NCOA3: variants seen among roughly 807,000 people sequenced by gnomAD.
The protein encoded by NCOA3 is nuclear receptor coactivator 3.
NCOA3 carries 51 observed loss-of-function variants against 158.8 expected under a neutral mutation model. That is an observed-to-expected ratio of 0.32 (90% CI 0.26 to 0.41). NCOA3 has a LOEUF of 0.41. NCOA3 is among the 10% of genes least tolerant of loss of function. The pLI is 1.00. For synonymous variants in NCOA3, 537 were observed against 592.4 expected (o/e 0.91, Z 1.36); for missense variants, 1,510 against 1,746.6 (o/e 0.86, Z 2.41).
At chr20:47,503,733 A>G (rs1009078840) in intron 1 of NCOA3, among the ~76,000 whole-genome samples, 1 of 152,218 alleles carries the variant, frequency 6.6e-6, no homozygotes, top group Non-Finnish European at 1.5e-5. Context: ...GCTTTAGGAT[A>G]AAGAACTCTG....
chr20:47,633,251 C>G (rs2086452693), intron 8 of NCOA3, among the ~76,000 whole-genome samples: 1 of 152,120 alleles, frequency 6.6e-6, no homozygotes, highest in Admixed American at 6.6e-5. Flanking sequence ...GATAGGGGCT[C>G]TGTGCTAGAA....
chr20:47,555,330 A>T (rs1395453265), intron 1 of NCOA3, among the ~76,000 whole-genome samples: 6 of 152,204 alleles, frequency 3.9e-5, no homozygotes, highest in Non-Finnish European at 7.3e-5. Context: ...ATGATCTAGA[A>T]AAAAGAATAT....
At chr20:47,598,073 A>G (rs947443784) in intron 2 of NCOA3, among the ~76,000 whole-genome samples, 1 of 150,932 alleles carries the variant, frequency 6.6e-6, no homozygotes, top group Non-Finnish European at 1.5e-5. Flanking sequence ...ATGAAACCCC[A>G]TCTCCACTAA....
chr20:47,525,789 G>A (rs1422486678), intron 1 of NCOA3, among the ~76,000 whole-genome samples: 2 of 114,892 alleles, frequency 1.7e-5, no homozygotes, highest in African/African-American at 7.4e-5. Context: ...CCTCCCAGAC[G>A]GGGCGGCTGG....
intron 5 of NCOA3, among the ~76,000 whole-genome samples, chr20:47,625,973 A>G (rs1004738673): frequency 1.3e-5 from 2 of 152,262 alleles, no homozygotes; most frequent in African/African-American, 4.8e-5. Context: ...TGCATAGGCT[A>G]TAGGCAAATA....
chr20:47,609,093 G>A (rs1234095571), intron 2 of NCOA3, among the ~76,000 whole-genome samples: 1 of 151,928 alleles, frequency 6.6e-6, no homozygotes, highest in Non-Finnish European at 1.5e-5. Flanking sequence ...ATCACAAATC[G>A]GCCATTAATT....
In NCOA3 at chr20:47,545,631, T is replaced by TC. The variant is rs1363788199; in HGVS notation, c.-98-37552_-98-37551insC. The stretch of plus-strand genomic sequence containing the variant: ...TCATGAAGGTTTTCTTAGTGCTGTT[T>TC]TTTTTTTATTTGCTTTTTGTTTTTT... On this transcript the variant is annotated intron_variant, in intron 1 of 22. Transcript: ENST00000371998. Among the ~76,000 whole-genome samples, 3 of 152,252 alleles carry TC rather than the reference T, an allele frequency of 2.0e-5. No individual in the cohort carries two copies. The East Asian group carries it at 5.8e-4, about 29-fold the overall frequency.
At chr20:47,635,846 T>G (rs2086503987) in intron 11 of NCOA3, 45 bp from the exon 12 acceptor site, 1 of 1,538,906 alleles carries the variant, frequency 6.5e-7, no homozygotes, top group African/African-American at 1.4e-5. Context: ...TTTGTTACAG[T>G]GTCTGGTAGT....
At chr20:47,517,252 T>C (rs1413641767) in intron 1 of NCOA3, among the ~76,000 whole-genome samples, 2 of 152,060 alleles carry the variant, frequency 1.3e-5, no homozygotes, top group Admixed American at 1.3e-4. Flanking sequence ...TTTTTTACTA[T>C]AACGAAACAG....
chr20:47,575,278 AAAG>A (rs1206499487), intron 1 of NCOA3, among the ~76,000 whole-genome samples: 3 of 152,216 alleles, frequency 2.0e-5, no homozygotes, highest in Non-Finnish European at 4.4e-5. Context: ...CATTTTGTAA[AAAG>A]AAGATATACA....
intron 16 of NCOA3, among the ~76,000 whole-genome samples, 181 bp downstream of exon 16, chr20:47,640,232 C>T (rs1192446813): frequency 2.0e-5 from 3 of 152,142 alleles, no homozygotes; most frequent in Non-Finnish European, 4.4e-5. Flanking sequence ...GTAAGCAGTG[C>T]GTGTGGCATT....
intron 1 of NCOA3, among the ~76,000 whole-genome samples, chr20:47,521,646 A>C (rs2084335946): frequency 1.0e-5 from 1 of 97,142 alleles, no homozygotes; most frequent in Non-Finnish European, 2.7e-5. Flanking sequence ...TGGAGCAGGT[A>C]ATCAGAATAA....
chr20:47,534,920 T>C (rs183325252), intron 1 of NCOA3, among the ~76,000 whole-genome samples: 3 of 151,334 alleles, frequency 2.0e-5, no homozygotes, highest in Admixed American at 6.6e-5. Flanking sequence ...ATCTCTCTCT[T>C]TTTTTTTTCT....
At chr20:47,621,654 A>AGTTTTTTTTTT (rs2086242246) in intron 2 of NCOA3, among the ~76,000 whole-genome samples, 1 of 119,788 alleles carries the variant, frequency 8.3e-6, no homozygotes, top group Non-Finnish European at 1.7e-5. Flanking sequence ...CATCAGTCAA[A>AGTTTTTTTTTT]TTTTTTTTTT....
At chr20:47,542,007 G>C (rs1244769915) in intron 1 of NCOA3, among the ~76,000 whole-genome samples, 1 of 66,238 alleles carries the variant, frequency 1.5e-5, no homozygotes, top group Non-Finnish European at 3.3e-5. Flanking sequence ...TTGCCCTGTA[G>C]AGTTTTTTTT....
Position 47,647,196 on chromosome 20 carries a change from T to C in NCOA3, c.3376T>C (p.Phe1126Leu). The C allele has an allele frequency of 1.9e-6, 3 of 1,614,206 alleles. No homozygotes were observed. The highest frequency in any genetic ancestry group is 1.3e-5 in the African/African-American group (1 of 75,052). Residue 1126 changes from phenylalanine (F) to leucine (L), a missense_variant, in exon 18 of 23, where the codon TTT (phenylalanine) becomes CTT (leucine). Transcript: ENST00000371998. ...ACAGGGGCCTCCAATGCAAGGAGGC[T>C]TTCATCTTCAGGGACAATCACCATC... Reference protein sequence around the residue: ...PAQGPPMQGGFHLQGQSPSFN... With the variant: ...PAQGPPMQGGLHLQGQSPSFN...
intron 1 of NCOA3, among the ~76,000 whole-genome samples, chr20:47,507,761 G>A (rs2084052068): frequency 6.6e-6 from 1 of 152,046 alleles, no homozygotes; most frequent in Non-Finnish European, 1.5e-5. Context: ...TAGGATTACA[G>A]GCATGTGCCA....
At chr20:47,557,425 G>C (rs1568680732) in intron 1 of NCOA3, among the ~76,000 whole-genome samples, 2 of 152,150 alleles carry the variant, frequency 1.3e-5, no homozygotes, top group Non-Finnish European at 2.9e-5. Flanking sequence ...GAATTTGAGG[G>C]TCAGAGAGGT....
chr20:47,513,224 C>T (rs1481502746), intron 1 of NCOA3, among the ~76,000 whole-genome samples: 3 of 151,914 alleles, frequency 2.0e-5, no homozygotes, highest in Non-Finnish European at 4.4e-5. Flanking sequence ...TAGCATATAA[C>T]CCAGCCATTC....
Sources: gnomAD v4.1 joint callset for allele counts (sites outside exome capture counted in the v4.1 genomes callset) on GRCh38, gnomAD v4.1.1 for gene constraint, MANE v1.5 for transcripts, NCBI Gene and HGNC (gene_info 2026-07-23, HGNC 2026-07-21) for gene names.